PLEC: variants seen among roughly 807,000 people sequenced by gnomAD.
PLEC encodes hemidesmosomal protein 1.
Under a neutral mutation model 392.8 loss-of-function variants are expected in PLEC, and 216 were observed. The observed-to-expected ratio is 0.55, with a 90% CI of 0.49 to 0.62. The LOEUF is 0.62. Ranked by LOEUF, PLEC falls within the 20% of genes least tolerant of loss-of-function variation. The probability of loss-of-function intolerance (pLI) is 0.00; values close to 1 mark genes in which losing one functional copy is unlikely to be tolerated. For synonymous variants in PLEC, 3,621 were observed against 2,980.6 expected (o/e 1.21, Z -7.00); for missense variants, 6,863 against 6,563.4 (o/e 1.05, Z -1.58).
chr8:143,925,069 G>C lies in PLEC; in HGVS notation c.4860C>G (p.Ala1620=). The C allele has an allele frequency of 1.9e-6, 3 of 1,538,952 alleles. No individual in the cohort carries two copies. Among genetic ancestry groups the C allele is most frequent in the Non-Finnish European group, 2.6e-6 (3 of 1,149,032 alleles). The part of the protein sequence containing the change: ...AERRAQQQAE[A]ERAREEAERE... Reference sequence around the variant, plus strand: ...GCTCTGCCTCCTCGCGCGCCCGCTCGGCCTCGGCCTGCTGCTGTGCCCGCC... The same window carrying C: ...GCTCTGCCTCCTCGCGCGCCCGCTCCGCCTCGGCCTGCTGCTGTGCCCGCC... The change falls in exon 31 of 32, where the codon GCC becomes GCG. Residue 1620 remains alanine (A), a synonymous_variant. Transcript: ENST00000345136.
chr8:143,958,008 A>G (rs1832685993), upstream of PLEC, among the ~76,000 whole-genome samples: 1 of 152,286 alleles, frequency 6.6e-6, no homozygotes, highest in Non-Finnish European at 1.5e-5. The surrounding 1 kb of genome is among the most constrained non-coding windows in gnomAD (Gnocchi z 4.9). Context: ...CCTGCCAGAT[A>G]CATCCAGCAC....
chr8:143,963,987 A>G (rs528299043), intron 1 of PLEC, among the ~76,000 whole-genome samples: 2 of 151,762 alleles, frequency 1.3e-5, no homozygotes, highest in African/African-American at 4.8e-5. Context: ...TGATTTTTGT[A>G]TTTTTAGTAG....
At chr8:143,929,912 C>A (rs782442095) in intron 22 of PLEC, 24 bp downstream of exon 22, 29 of 1,606,238 alleles carry the variant, frequency 1.8e-5, no homozygotes, top group Non-Finnish European at 2.4e-5. Flanking sequence ...ACCCAGAGAG[C>A]CCCCGGCTCG....
intron 1 of PLEC, among the ~76,000 whole-genome samples, chr8:143,945,978 A>C (rs926949250): frequency 6.6e-6 from 1 of 152,258 alleles, no homozygotes; most frequent in Non-Finnish European, 1.5e-5. Context: ...AGCTGAGCCC[A>C]GGACAGCATC....
chr8:143,939,441 G>A lies in PLEC; in HGVS notation c.21C>T (p.Arg7=), dbSNP rs550636795. 5.1e-5 allele frequency: 82 copies of A among 1,611,956 alleles called. No homozygotes were observed. The South Asian group carries it at 5.6e-4, about 11-fold the overall frequency. Residue 7 remains arginine (R), a synonymous_variant, in exon 1 of 32, where the codon CGC becomes CGT. Coordinates refer to ENST00000345136, the MANE Select transcript of PLEC (RefSeq NM_201384.3). MSQHQL[R]VPQPEGLGRK... ...GGCCCAGGCCCTCGGGCTGCGGCACGCGGAGCTGGTGCTGAGACATGCTGC... is the reference window on the plus strand; with the variant it reads ...GGCCCAGGCCCTCGGGCTGCGGCACACGGAGCTGGTGCTGAGACATGCTGC...
chr8:143,928,033 G>C (rs369888784), intron 25 of PLEC, 41 bp from the exon 26 acceptor site: 45 of 1,560,102 alleles, frequency 2.9e-5, no homozygotes, highest in Non-Finnish European at 3.8e-5. Context: ...CATGGGGCTC[G>C]AGCAATAGCC....
In PLEC at chr8:143,916,228, G is replaced by A. The variant is rs782092984; in HGVS notation, c.13593C>T (p.Tyr4531=). Residue 4531 remains tyrosine, a synonymous_variant, in exon 32 of 32, where the codon TAC becomes TAT. Coordinates refer to ENST00000345136, the MANE Select transcript of PLEC (RefSeq NM_201384.3). ...SYSSSGYGRR[Y]ASGSSASLGG... is the part of the protein sequence containing the mutation. Reference sequence around the variant, plus strand: ...CCAGGGAGGCCGAGGACCCCGAGGCGTAGCGGCGGCCGTAGCCCGAGGAGG... The same window carrying A: ...CCAGGGAGGCCGAGGACCCCGAGGCATAGCGGCGGCCGTAGCCCGAGGAGG... 81 of 1,546,246 alleles carry A rather than the reference G, an allele frequency of 5.2e-5. No homozygotes were observed. The highest frequency in any genetic ancestry group is 1.1e-4 in the South Asian group (9 of 84,318).
chr8:143,934,283 G>A (rs781971699), intron 11 of PLEC, 35 bp downstream of exon 11: 18 of 1,609,532 alleles, frequency 1.1e-5, no homozygotes, highest in African/African-American at 6.7e-5. Flanking sequence ...ACACACCCTC[G>A]GGTGGTTCCC....
In PLEC at chr8:143,925,538, G is replaced by T. The variant is rs1554703080; in HGVS notation, c.4391C>A (p.Thr1464Asn). Residue 1464 changes from threonine to asparagine, a missense_variant, in exon 31 of 32, where the codon ACC becomes AAC. By Grantham distance (65) the Thr-to-Asn change is moderately conservative. Coordinates refer to ENST00000345136, the MANE Select transcript of PLEC (RefSeq NM_201384.3). ...CTCAGCCCCGCCACGCTGGCGCTCG[G>T]TGGCCTCCAACTGCAGGCGCACCAC... ...IRVVRLQLEA[T>N]ERQRGGAEGE... is the part of the protein sequence containing the mutation. The T allele has an allele frequency of 1.7e-5, 27 of 1,594,796 alleles. No homozygotes were observed. Among genetic ancestry groups the T allele is most frequent in the Non-Finnish European group, 2.3e-5 (27 of 1,177,906 alleles).
At position 143,927,490 on chromosome 8, in the gene PLEC, C is replaced by T. The variant is rs782539707; in HGVS notation, c.3676G>A (p.Ala1226Thr). Residue 1226 changes from alanine (A) to threonine (T), a missense_variant, in exon 27 of 32, where the codon GCC (alanine) becomes ACC (threonine). Ala to Thr is a moderately conservative substitution (Grantham distance 58, BLOSUM62 0). Transcript: ENST00000345136. Reference protein sequence around the residue: ...ADPLGAWLQDARRRQEQIQAM... With the variant: ...ADPLGAWLQDTRRRQEQIQAM... The stretch of plus-strand genomic sequence containing the variant: ...TGGATCTGCTCCTGCCGCCGCCTGG[C>T]GTCCTGCAGCCAGGCGCCCAAGGGG... 135 of 1,596,852 alleles carry T rather than the reference C, an allele frequency of 8.5e-5. No individual in the cohort carries two copies. In the East Asian group the frequency reaches 1.7e-3, roughly 20 times the overall value.
intron 25 of PLEC, among the ~76,000 whole-genome samples, 180 bp from the exon 26 acceptor site, chr8:143,928,172 G>A (rs1333707616): frequency 2.0e-5 from 3 of 152,258 alleles, no homozygotes; most frequent in Admixed American, 2.0e-4. Flanking sequence ...GGGAGAAGGA[G>A]GTTGGGAGCC....
chr8:143,924,718 G>A lies in PLEC; in HGVS notation c.5211C>T (p.Ala1737=). 3 of 1,533,998 alleles carry A rather than the reference G, an allele frequency of 2.0e-6. No individual in the cohort carries two copies. Among genetic ancestry groups the A allele is most frequent in the Non-Finnish European group, 2.6e-6 (3 of 1,145,940 alleles). The stretch of plus-strand genomic sequence containing the variant: ...CTGCAGCCGCCTCACGCTGCAGCCG[G>A]GCCAGCTCCTCCTCCAGCAGCTGCC... ...QQRQLLEEEL[A]RLQREAAAAT... Residue 1737 remains alanine (A), a synonymous_variant, in exon 31 of 32, where the codon GCC becomes GCT. Transcript: ENST00000345136.
chr8:143,921,077 C>T lies in PLEC; in HGVS notation c.8744G>A (p.Gly2915Asp), dbSNP rs1554683972. 2 of 1,611,836 alleles carry T rather than the reference C, an allele frequency of 1.2e-6. No homozygotes were observed. The highest frequency in any genetic ancestry group is 1.3e-5 in the African/African-American group (1 of 75,080). Residue 2915 changes from glycine (G) to aspartate (D), a missense_variant, in exon 32 of 32, where the codon GGC becomes GAC. Transcript: ENST00000345136. ...GGTCACCGTCTTGCCCTGGAACTTG[C>T]CGAACGGCGCAGACACGGTGGCCTT... is the stretch of plus-strand genomic sequence containing the variant. ...FEKATVSAPF[G>D]KFQGKTVTIW... is the part of the protein sequence containing the mutation.
At chr8:143,940,837 C>T (rs1451462217), upstream of PLEC, among the ~76,000 whole-genome samples, 1 of 152,186 alleles carries the variant, frequency 6.6e-6, no homozygotes, top group South Asian at 2.1e-4. Context: ...GGGGCACAGC[C>T]AGCCCCTAGG....
Position 143,918,402 on chromosome 8 carries a change from C to T in PLEC, c.11419G>A (p.Gly3807Ser), listed in dbSNP as rs1018093835. ...LRLLDAQLAT[G>S]GIVDPRLGFH... ...CCCAGGCGGGGGTCCACGATGCCGC[C>T]GGTGGCCAGCTGGGCATCCAGCAGC... Residue 3807 changes from glycine (G) to serine (S), a missense_variant, in exon 32 of 32, where the codon GGC (glycine) becomes AGC (serine). Physicochemically the swap from Gly to Ser is moderately conservative, Grantham distance 56. Transcript: ENST00000345136. 4.0e-5 allele frequency: 62 copies of T among 1,568,148 alleles called. No individual in the cohort carries two copies. The highest frequency in any genetic ancestry group is 1.7e-4 in the Middle Eastern group (1 of 6,010).
At position 143,936,931 on chromosome 8, in the gene PLEC, C is replaced by T. The variant is rs782380119; in HGVS notation, c.435+48G>A. 3.1e-5 allele frequency: 45 copies of T among 1,439,310 alleles called. 2 individuals are homozygous for T. The South Asian group carries it at 5.0e-4, about 16-fold the overall frequency. 89.2% of individuals were successfully genotyped at this position (1,439,310 alleles called of 1,614,324 possible). On this transcript the variant is annotated intron_variant, in intron 5 of 31. Coordinates refer to ENST00000345136, the MANE Select transcript of PLEC (RefSeq NM_201384.3). ...CCGCCAGCCAAGGAGCCCAGGCTAC[C>T]CTGGAAACTCCTGCAGGGGGTGGGG...
intron 5 of PLEC, among the ~76,000 whole-genome samples, chr8:143,936,447 G>A (rs1829081267): frequency 6.6e-6 from 1 of 152,234 alleles, no homozygotes; most frequent in African/African-American, 2.4e-5. Flanking sequence ...GCTGGGGGTC[G>A]AGCTCCATCG....
Position 143,932,556 on chromosome 8 carries a change from G to A in PLEC, c.1821C>T (p.Ser607=), listed in dbSNP as rs782150656. 2 of 1,612,550 alleles carry A rather than the reference G, an allele frequency of 1.2e-6. No homozygotes were observed. The highest frequency in any genetic ancestry group is 3.3e-5 in the Admixed American group (2 of 60,026). ...LDLQYAKLLN[S]SKARLRSLES... ...CCAGGGACCTGAGGCGGGCCTTGGA[G>A]GAGTTCTGTGGGCAGGAGGGTGCGT... is the stretch of plus-strand genomic sequence containing the variant. Residue 607 remains serine, a synonymous_variant, in exon 16 of 32, where the codon TCC becomes TCT. Coordinates refer to ENST00000345136, the MANE Select transcript of PLEC (RefSeq NM_201384.3).
chr8:143,938,918 C>T (rs1393495318), intron 1 of PLEC, among the ~76,000 whole-genome samples: 1 of 152,138 alleles, frequency 6.6e-6, no homozygotes, highest in African/African-American at 2.4e-5. Flanking sequence ...AGCCACCCCA[C>T]CCCGGACTCT....
Sources: gnomAD v4.1 joint callset for allele counts (sites outside exome capture counted in the v4.1 genomes callset) on GRCh38, gnomAD v4.1.1 for gene constraint, Gnocchi (gnomAD v3.1) non-coding constraint, MANE v1.5 for transcripts, NCBI Gene and HGNC (gene_info 2026-07-23, HGNC 2026-07-21) for gene names.